MAP4: variants seen among roughly 807,000 people sequenced by gnomAD.
MAP4 encodes the protein microtubule associated protein 4, also known as microtubule-associated protein 4.
A neutral mutation model predicts 170.2 loss-of-function variants in MAP4; 76 were observed. The observed-to-expected ratio is 0.45, with a 90% confidence interval of 0.37 to 0.54. MAP4 has a LOEUF of 0.54. MAP4 is among the 20% of genes least tolerant of loss of function. The pLI, the probability that MAP4 is intolerant of heterozygous loss-of-function variation, is 0.00. For synonymous variants in MAP4, 909 were observed against 994.5 expected (o/e 0.91, Z 1.62); for missense variants, 2,506 against 2,748.0 (o/e 0.91, Z 1.97).
intron 2 of MAP4, among the ~76,000 whole-genome samples, chr3:47,988,064 C>T (rs574016592): frequency 3.3e-5 from 5 of 152,058 alleles, no homozygotes; most frequent in Middle Eastern, 3.4e-3. Context: ...CGTGGCGGCA[C>T]ACGCCTGTAG....
chr3:47,923,718 A>T (rs1015330938), intron 4 of MAP4, among the ~76,000 whole-genome samples: 4 of 151,888 alleles, frequency 2.6e-5, no homozygotes, highest in African/African-American at 7.2e-5. Flanking sequence ...CGGAAGGCTG[A>T]GGTGGGAGGA....
At position 47,916,321 on chromosome 3, in the gene MAP4, C is replaced by T. The variant is rs1379385255; in HGVS notation, c.1506G>A (p.Leu502=). 3 of 1,614,232 alleles carry T rather than the reference C, an allele frequency of 1.9e-6. No homozygotes were observed. The highest frequency in any genetic ancestry group is 2.2e-5 in the South Asian group (2 of 91,086). ...CTGATAGTGGAGACATGTCCTTCAA[C>T]AAGCCCACTTCTTTTACTGTGGACG... is the stretch of plus-strand genomic sequence containing the variant. ...VAPSTVKEVG[L]LKDMSPLSET... The change falls in exon 7 of 21, where the codon TTG becomes TTA. Residue 502 remains leucine, a synonymous_variant. Coordinates refer to ENST00000683076, the MANE Select transcript of MAP4 (RefSeq NM_001385682.1).
rs373072815 is a variant in MAP4, at chr3:47,869,248, G to T, written c.6374C>A (p.Pro2125Gln). 1.2e-6 allele frequency: 2 copies of T among 1,614,048 alleles called. No individual in the cohort carries two copies. The highest frequency in any genetic ancestry group is 1.7e-6 in the Non-Finnish European group (2 of 1,179,938). Residue 2125 changes from proline (P) to glutamine (Q), a missense_variant, in exon 16 of 21, where the codon CCA (proline) becomes CAA (glutamine). Pro to Gln is a moderately conservative substitution (Grantham distance 76, BLOSUM62 -1). Coordinates refer to ENST00000683076, the MANE Select transcript of MAP4 (RefSeq NM_001385682.1). Reference protein sequence around the residue: ...ESNAVTKTAGPIASAQKQPAG... With the variant: ...ESNAVTKTAGQIASAQKQPAG... The stretch of plus-strand genomic sequence containing the variant: ...AGGTTGTTTCTGTGCACTTGCAATT[G>T]GGCCGGCTGTTTTAGTGACTGCATT...
At chr3:47,956,645 A>G (rs948648664) in intron 3 of MAP4, among the ~76,000 whole-genome samples, 1 of 152,224 alleles carries the variant, frequency 6.6e-6, no homozygotes. Context: ...AACTCTCAGA[A>G]CAGGCACAGA....
At chr3:47,995,937 C>T (rs949155492) in intron 2 of MAP4, among the ~76,000 whole-genome samples, 2 of 152,116 alleles carry the variant, frequency 1.3e-5, no homozygotes, top group African/African-American at 2.4e-5. Flanking sequence ...TAAATGAAGG[C>T]TAGCATGAGA....
chr3:47,941,626 A>C (rs1299551700), intron 3 of MAP4, among the ~76,000 whole-genome samples: 2 of 148,810 alleles, frequency 1.3e-5, no homozygotes, highest in African/African-American at 5.1e-5. Context: ...AAAAACAAAA[A>C]CAAAAAAAAA....
chr3:47,917,358 C>T (rs922353806), intron 6 of MAP4, among the ~76,000 whole-genome samples, 184 bp from the exon 7 acceptor site: 1 of 152,092 alleles, frequency 6.6e-6, no homozygotes, highest in Non-Finnish European at 1.5e-5. Context: ...GAGGCCGAGG[C>T]GGATGGATCA....
At chr3:47,884,258 C>T (rs2097226242) in intron 10 of MAP4, among the ~76,000 whole-genome samples, 1 of 152,200 alleles carries the variant, frequency 6.6e-6, no homozygotes. Context: ...CCTCTGTTAT[C>T]TGCAGTCTGC....
chr3:48,041,425 T>C (rs2100121578), intron 1 of MAP4, among the ~76,000 whole-genome samples: 1 of 151,750 alleles, frequency 6.6e-6, no homozygotes, highest in African/African-American at 2.4e-5. Context: ...GTGAACAATT[T>C]ATACTCTGAA....
upstream of MAP4, among the ~76,000 whole-genome samples, chr3:48,017,729 T>C (rs572597002): frequency 6.6e-6 from 1 of 152,312 alleles, no homozygotes; most frequent in South Asian, 2.1e-4. Flanking sequence ...AAGGTCCACA[T>C]AAATTGTCTT....
intron 10 of MAP4, among the ~76,000 whole-genome samples, chr3:47,879,783 A>G (rs755541460): frequency 3.9e-5 from 6 of 152,294 alleles, no homozygotes; most frequent in Admixed American, 1.3e-4. Context: ...CTCTATAGCC[A>G]TATCTACCCC....
intron 17 of MAP4, among the ~76,000 whole-genome samples, chr3:47,861,243 C>T (rs948375588): frequency 6.6e-6 from 1 of 152,072 alleles, no homozygotes; most frequent in African/African-American, 2.4e-5. Context: ...CACTGTAGTC[C>T]CAGTTACTCG....
chr3:48,074,226 C>A (rs1314885952), intron 1 of MAP4, among the ~76,000 whole-genome samples: 2 of 145,612 alleles, frequency 1.4e-5, no homozygotes, highest in Admixed American at 7.4e-5. Flanking sequence ...CCAAACACCG[C>A]ATGTTCTCAC....
chr3:47,878,248 T>G (rs2095909694), intron 10 of MAP4, among the ~76,000 whole-genome samples: 1 of 152,026 alleles, frequency 6.6e-6, no homozygotes, highest in Non-Finnish European at 1.5e-5. Context: ...TAAGTTTGAC[T>G]AAAGAAAAAT....
At chr3:47,872,386 T>C (rs2093669646) in intron 12 of MAP4, among the ~76,000 whole-genome samples, 1 of 152,132 alleles carries the variant, frequency 6.6e-6, no homozygotes, top group African/African-American at 2.4e-5. Flanking sequence ...GGTTTCACCG[T>C]GTTAGCCAGG....
intron 10 of MAP4, among the ~76,000 whole-genome samples, chr3:47,878,356 C>CAA (rs1187706526): frequency 6.6e-6 from 1 of 152,020 alleles, no homozygotes. Flanking sequence ...ACCCTCATAC[C>CAA]AAAGACAAAG....
chr3:47,876,708 C>G (rs1052710395), intron 11 of MAP4, among the ~76,000 whole-genome samples: 1 of 152,074 alleles, frequency 6.6e-6, no homozygotes, highest in Non-Finnish European at 1.5e-5. Context: ...GCAATAAGTA[C>G]TAGTTATGCA....
At chr3:47,997,790 C>T (rs2100096777) in intron 2 of MAP4, among the ~76,000 whole-genome samples, 1 of 152,024 alleles carries the variant, frequency 6.6e-6, no homozygotes, top group African/African-American at 2.4e-5. Flanking sequence ...ATAGATCCTA[C>T]AGACATTAAA....
At chr3:47,914,360 C>T (rs2100037454) in intron 8 of MAP4, among the ~76,000 whole-genome samples, 1 of 152,008 alleles carries the variant, frequency 6.6e-6, no homozygotes, top group African/African-American at 2.4e-5. Flanking sequence ...GAGTTTGAGA[C>T]CAGCCTGGCC....
Sources: gnomAD v4.1 joint callset for allele counts (sites outside exome capture counted in the v4.1 genomes callset) on GRCh38, gnomAD v4.1.1 for gene constraint, MANE v1.5 for transcripts, NCBI Gene and HGNC (gene_info 2026-07-23, HGNC 2026-07-21) for gene names.